EPHA3: variants seen among roughly 807,000 people sequenced by gnomAD.
EPHA3 encodes EPH receptor A3.
In EPHA3, 42 loss-of-function variants were observed where a neutral mutation model predicts 107.1. That is an observed-to-expected ratio of 0.39 (90% CI 0.31 to 0.51). The LOEUF is 0.51. Ranked by LOEUF, EPHA3 falls within the 20% of genes least tolerant of loss-of-function variation. The pLI, the probability that EPHA3 is intolerant of heterozygous loss-of-function variation, is 0.78. For synonymous variants in EPHA3, 461 were observed against 424.8 expected (o/e 1.09, Z -1.05); for missense variants, 1,183 against 1,211.2 (o/e 0.98, Z 0.35).
chr3:89,197,205 T>C (rs1705855570), intron 2 of EPHA3, among the ~76,000 whole-genome samples: 2 of 152,216 alleles, frequency 1.3e-5, no homozygotes, highest in African/African-American at 4.8e-5. Flanking sequence ...TTGATCATAA[T>C]GGTAGTGCCA....
chr3:89,158,939 A>G (rs1276330892), intron 2 of EPHA3, among the ~76,000 whole-genome samples: 1 of 152,160 alleles, frequency 6.6e-6, no homozygotes, highest in Non-Finnish European at 1.5e-5. Context: ...GAAGAAGAAA[A>G]GAAATAACTA....
intron 3 of EPHA3, among the ~76,000 whole-genome samples, chr3:89,310,942 G>A (rs1045635640): frequency 1.3e-5 from 2 of 151,938 alleles, no homozygotes; most frequent in African/African-American, 4.8e-5. Flanking sequence ...AAGCCAAAAT[G>A]CCTAGGTTCT....
At chr3:89,229,248 G>A (rs1211496794) in intron 3 of EPHA3, among the ~76,000 whole-genome samples, 1 of 151,906 alleles carries the variant, frequency 6.6e-6, no homozygotes, top group Admixed American at 6.6e-5. Flanking sequence ...AAAATTGTCA[G>A]TGAATAAAGA....
intron 3 of EPHA3, among the ~76,000 whole-genome samples, chr3:89,271,088 C>T (rs1001239643): frequency 6.6e-6 from 1 of 152,040 alleles, no homozygotes; most frequent in Non-Finnish European, 1.5e-5. Flanking sequence ...AGATTATACT[C>T]AACATGTTCT....
rs1308908790 is a variant in EPHA3 at position 89,455,356 on chromosome 3, CAA to C, written c.2690+4989_2690+4990del. Among the ~76,000 whole-genome samples, 8 of 152,006 alleles carry C rather than the reference CAA, an allele frequency of 5.3e-5. No homozygotes were observed. In the East Asian group the frequency reaches 1.5e-3, roughly 29 times the overall value. On this transcript the variant is annotated intron_variant, in intron 15 of 16. Coordinates refer to ENST00000336596, the MANE Select transcript of EPHA3 (RefSeq NM_005233.6). The stretch of plus-strand genomic sequence containing the variant: ...ATTCTTGGCACAGGATTAAAAAATG[CAA>C]AAGTCTTGAGATGAGAAAGGGTTTG...
At chr3:89,471,649 C>T (rs1710404756) in intron 15 of EPHA3, among the ~76,000 whole-genome samples, 1 of 152,110 alleles carries the variant, frequency 6.6e-6, no homozygotes, top group African/African-American at 2.4e-5. Flanking sequence ...CAGGAGTGAG[C>T]CACTGCGCCC....
At chr3:89,375,803 G>A (rs1708393297) in intron 5 of EPHA3, among the ~76,000 whole-genome samples, 1 of 151,898 alleles carries the variant, frequency 6.6e-6, no homozygotes. Context: ...TAGGTATCCT[G>A]GAAGAGCTGT....
chr3:89,392,705 A>T (rs1238223566), intron 5 of EPHA3, among the ~76,000 whole-genome samples: 2 of 152,130 alleles, frequency 1.3e-5, no homozygotes, highest in Non-Finnish European at 2.9e-5. Context: ...CTGCAATATC[A>T]TGAATTTTTG....
intron 7 of EPHA3, among the ~76,000 whole-genome samples, chr3:89,400,803 A>T: frequency 6.6e-6 from 1 of 152,164 alleles, no homozygotes; most frequent in East Asian, 1.9e-4. Context: ...GTGTTATTTC[A>T]ATTGTTAAAG....
At chr3:89,255,973 T>C (rs939942679) in intron 3 of EPHA3, among the ~76,000 whole-genome samples, 4 of 151,942 alleles carry the variant, frequency 2.6e-5, no homozygotes, top group African/African-American at 7.3e-5. Context: ...CCTGTCTGTA[T>C]ACCCAGCATT....
chr3:89,394,100 A>T (rs1340554550), intron 5 of EPHA3, among the ~76,000 whole-genome samples: 1 of 152,314 alleles, frequency 6.6e-6, no homozygotes, highest in Non-Finnish European at 1.5e-5. Flanking sequence ...AGCAACACCT[A>T]CATTTTTCCT....
intron 3 of EPHA3, among the ~76,000 whole-genome samples, chr3:89,218,875 G>C (rs892724517): frequency 2.6e-5 from 4 of 152,178 alleles, no homozygotes; most frequent in Non-Finnish European, 5.9e-5. Flanking sequence ...CTTTTACACT[G>C]TTGGTGGGAC....
intron 3 of EPHA3, among the ~76,000 whole-genome samples, chr3:89,259,344 A>G (rs1434659596): frequency 1.3e-5 from 2 of 152,070 alleles, no homozygotes; most frequent in African/African-American, 2.4e-5. Context: ...TATGTCCATC[A>G]TCTGTCTTTT....
chr3:89,433,771 A>T (rs1364303039), intron 13 of EPHA3, among the ~76,000 whole-genome samples: 2 of 152,214 alleles, frequency 1.3e-5, no homozygotes, highest in African/African-American at 4.8e-5. Context: ...GACTACAATT[A>T]TATAGCTCTG....
At chr3:89,402,876 C>T (rs2107512565) in intron 7 of EPHA3, among the ~76,000 whole-genome samples, 1 of 152,164 alleles carries the variant, frequency 6.6e-6, no homozygotes, top group South Asian at 2.1e-4. Flanking sequence ...CGGGGTTTCA[C>T]CATGTTGGCC....
In EPHA3 at chr3:89,251,005, A is replaced by G. The variant is rs368768850; in HGVS notation, c.814+40485A>G. 5.9e-5 allele frequency among the ~76,000 whole-genome samples: 9 copies of G among 152,310 alleles called. No individual in the cohort carries two copies. The East Asian group carries it at 1.5e-3, about 26-fold the overall frequency. On this transcript the variant is annotated intron_variant, in intron 3 of 16. Transcript: ENST00000336596. The stretch of plus-strand genomic sequence containing the variant: ...GATTAACATCTTTCATGGAACTGCT[A>G]GAAACATTAGATATGGAATTATTTC...
intron 6 of EPHA3, among the ~76,000 whole-genome samples, chr3:89,396,175 G>T (rs1279691732): frequency 6.6e-6 from 1 of 152,146 alleles, no homozygotes; most frequent in African/African-American, 2.4e-5. Context: ...CAACATCAAA[G>T]ATGCCACTGC....
chr3:89,189,036 G>C (rs1705640796), intron 2 of EPHA3, among the ~76,000 whole-genome samples: 1 of 152,194 alleles, frequency 6.6e-6, no homozygotes, highest in Admixed American at 6.5e-5. Flanking sequence ...ATCTAGACTA[G>C]ATGCCTGTGC....
chr3:89,197,195 T>G (rs2107152114), intron 2 of EPHA3, among the ~76,000 whole-genome samples: 1 of 152,338 alleles, frequency 6.6e-6, no homozygotes, highest in South Asian at 2.1e-4. Context: ...TCATGACATC[T>G]TGATCATAAT....
Sources: gnomAD v4.1 joint callset for allele counts (sites outside exome capture counted in the v4.1 genomes callset) on GRCh38, gnomAD v4.1.1 for gene constraint, MANE v1.5 for transcripts, NCBI Gene and HGNC (gene_info 2026-07-23, HGNC 2026-07-21) for gene names.